MARK1: variants seen among roughly 807,000 people sequenced by gnomAD.
The protein encoded by MARK1 is serine/threonine-protein kinase MARK1.
In MARK1, 40 loss-of-function variants were observed where a neutral mutation model predicts 96.3. The ratio of observed to expected loss-of-function variants is 0.42; its 90% CI spans 0.32 to 0.54. The LOEUF is 0.54. Among genes scored for constraint, MARK1 ranks in the 20% least tolerant of loss-of-function variants. The pLI is 0.16. For missense variants in MARK1, 719 were observed against 984.6 expected (o/e 0.73, Z 3.61); for synonymous variants, 317 against 341.2 (o/e 0.93, Z 0.78).
At chr1:220,628,699 C>A (rs1340095534) in intron 9 of MARK1, among the ~76,000 whole-genome samples, 1 of 152,172 alleles carries the variant, frequency 6.6e-6, no homozygotes, top group Non-Finnish European at 1.5e-5. Context: ...CACCCCACAA[C>A]TTTTGTACAG....
intron 3 of MARK1, among the ~76,000 whole-genome samples, chr1:220,588,112 G>A (rs1664768180): frequency 1.3e-5 from 2 of 152,116 alleles, no homozygotes; most frequent in Non-Finnish European, 1.5e-5. Context: ...TCTAGTTTTA[G>A]TTTTAATTTC....
intron 13 of MARK1, 69 bp downstream of exon 13, chr1:220,636,095 T>C: frequency 2.6e-6 from 3 of 1,134,048 alleles, no homozygotes; most frequent in Non-Finnish European, 3.6e-6. Context: ...GTAAAATTTT[T>C]ATCTTTCATT....
chr1:220,627,028 C>T, intron 9 of MARK1: 1 of 541,880 alleles, frequency 1.8e-6, no homozygotes, highest in South Asian at 1.4e-5. Flanking sequence ...GACCAGATTT[C>T]AGGCTCCACA....
At chr1:220,659,143 C>T (rs1669330086) in intron 17 of MARK1, among the ~76,000 whole-genome samples, 1 of 152,114 alleles carries the variant, frequency 6.6e-6, no homozygotes, top group Admixed American at 6.5e-5. Flanking sequence ...TTACACAATA[C>T]TTTTCACATT....
chr1:220,601,446 G>A (rs931183804), intron 5 of MARK1, among the ~76,000 whole-genome samples: 2 of 152,012 alleles, frequency 1.3e-5, no homozygotes, highest in African/African-American at 4.8e-5. Flanking sequence ...TCCATAAAAT[G>A]TGGATCTATA....
intron 9 of MARK1, among the ~76,000 whole-genome samples, chr1:220,619,754 C>T (rs1403719738): frequency 1.3e-5 from 2 of 152,016 alleles, no homozygotes; most frequent in Non-Finnish European, 2.9e-5. Flanking sequence ...AAGTATTTTG[C>T]CCATCTGTTT....
chr1:220,566,501 C>T (rs1361093), intron 1 of MARK1, among the ~76,000 whole-genome samples: 142,946 of 152,222 alleles, frequency 0.94, 67,826 homozygotes, highest in East Asian at 1. Context: ...GAGAGCAAAC[C>T]GTTGCTGGGG....
intron 13 of MARK1, among the ~76,000 whole-genome samples, chr1:220,647,366 T>G (rs554139853): frequency 1.7e-4 from 26 of 152,224 alleles, no homozygotes; most frequent in African/African-American, 6.0e-4. Flanking sequence ...CTCATGCCAG[T>G]CAGAATGGTG....
intron 5 of MARK1, among the ~76,000 whole-genome samples, chr1:220,602,870 T>A (rs1665836511): frequency 6.6e-6 from 1 of 152,106 alleles, no homozygotes; most frequent in African/African-American, 2.4e-5. Context: ...TCTGTATACC[T>A]AGGTACAAAA....
rs1667654940 is a variant in MARK1 at position 220,631,070 on chromosome 1, T to C, written c.945T>C (p.His315=). 1 of 1,612,908 alleles carries C rather than the reference T, an allele frequency of 6.2e-7. No homozygotes were observed. The highest frequency in any genetic ancestry group is 1.1e-5 in the South Asian group (1 of 91,022). Residue 315 remains histidine (H), a synonymous_variant, in exon 10 of 18, where the codon CAT becomes CAC. Transcript: ENST00000366917. ...AAGATCGATGGATGAATGTTGGTCA[T>C]GAAGAGGAAGAACTAAAGCCATATA... The part of the protein sequence containing the change: ...IMKDRWMNVG[H]EEEELKPYTE...
chr1:220,540,928 GTCTC>G (rs1165767026), intron 1 of MARK1, among the ~76,000 whole-genome samples: 1 of 151,324 alleles, frequency 6.6e-6, no homozygotes, highest in African/African-American at 2.4e-5. Context: ...TTTATTTGAA[GTCTC>G]TCTCTTTTTT....
intron 1 of MARK1, among the ~76,000 whole-genome samples, chr1:220,558,772 T>C (rs1662467209): frequency 6.6e-6 from 1 of 152,020 alleles, no homozygotes; most frequent in Non-Finnish European, 1.5e-5. Flanking sequence ...GATAAAACTA[T>C]AGAAATAAGA....
intron 1 of MARK1, among the ~76,000 whole-genome samples, chr1:220,572,418 T>G (rs1329219128): frequency 1.3e-5 from 2 of 152,110 alleles, no homozygotes; most frequent in African/African-American, 2.4e-5. Flanking sequence ...ATTTTTTGTA[T>G]TTTTAGTAGA....
At chr1:220,588,439 C>T (rs933210579) in intron 3 of MARK1, among the ~76,000 whole-genome samples, 23 of 152,198 alleles carry the variant, frequency 1.5e-4, no homozygotes, top group Admixed American at 1.4e-3. Flanking sequence ...GAATAATTGG[C>T]TGCAAGTTAT....
intron 6 of MARK1, among the ~76,000 whole-genome samples, chr1:220,611,042 TGAG>T (rs1429045672): frequency 5.9e-5 from 9 of 152,196 alleles, no homozygotes; most frequent in Non-Finnish European, 1.3e-4. Context: ...CGGACCCACT[TGAG>T]GAGGCAGTCT....
intron 13 of MARK1, among the ~76,000 whole-genome samples, chr1:220,636,993 A>C (rs538471997): frequency 1.3e-5 from 2 of 152,280 alleles, no homozygotes; most frequent in African/African-American, 4.8e-5. Context: ...ACATATTTTT[A>C]AAGTATTGAA....
At chr1:220,625,244 T>C (rs991862048) in intron 9 of MARK1, among the ~76,000 whole-genome samples, 1 of 152,218 alleles carries the variant, frequency 6.6e-6, no homozygotes, top group South Asian at 2.1e-4. Flanking sequence ...TTAATAACAG[T>C]AACACTAGGA....
chr1:220,565,143 A>T (rs528301318), intron 1 of MARK1, among the ~76,000 whole-genome samples: 45 of 152,316 alleles, frequency 3.0e-4, no homozygotes, highest in African/African-American at 1.1e-3. Flanking sequence ...AGAACAGTAG[A>T]TGTGAAAAAT....
intron 3 of MARK1, among the ~76,000 whole-genome samples, chr1:220,587,901 C>G (rs1016250976): frequency 1.3e-5 from 2 of 152,088 alleles, no homozygotes; most frequent in Admixed American, 6.6e-5. Flanking sequence ...AGGGATGTCT[C>G]TCTTCAAGTA....
Sources: allele counts gnomAD v4.1 joint callset (sites outside exome capture counted in the v4.1 genomes callset), GRCh38; gene constraint gnomAD v4.1.1; transcripts MANE v1.5; gene names NCBI Gene and HGNC (gene_info 2026-07-23, HGNC 2026-07-21).